Variants in CIROZ observed in about 807,000 individuals in gnomAD.
CIROZ encodes ciliated left-right organizer ZP-N domains-containing protein.
the CIROZ span, among the ~76,000 whole-genome samples, chr1:10,978,306 C>A: frequency 2.5e-3 from 374 of 151,586 alleles, 2 homozygotes; most frequent in African/African-American, 8.6e-3. Context: ...ACCTCAGTCT[C>A]CCAAAGTGCT....
the CIROZ span, chr1:10,948,606 G>T: frequency 6.2e-7 from 1 of 1,614,140 alleles, no homozygotes; most frequent in Non-Finnish European, 8.5e-7. Flanking sequence ...TGAGGACACG[G>T]GCAGGGTCAG....
chr1:10,949,068 T>C, the CIROZ span: 2 of 397,014 alleles, frequency 5.0e-6, no homozygotes, highest in Non-Finnish European at 8.8e-6. Flanking sequence ...CTACTAAAAA[T>C]ACAAAATTAG....
chr1:10,955,006 C>T, the CIROZ span: 1 of 1,604,310 alleles, frequency 6.2e-7, no homozygotes, highest in Non-Finnish European at 8.5e-7. Context: ...CTGGAGCACC[C>T]CGGCCGCCGG....
chr1:10,955,225 C>A, the CIROZ span: 1 of 1,549,272 alleles, frequency 6.5e-7, no homozygotes. Context: ...AAAAGGCACA[C>A]TTTGCAGGCT....
the CIROZ span, chr1:10,946,641 C>T: frequency 1.3e-5 from 2 of 152,204 alleles, no homozygotes; most frequent in Non-Finnish European, 2.9e-5. Flanking sequence ...CGGCCCAGAA[C>T]ACTGTACCCA....
the CIROZ span, among the ~76,000 whole-genome samples, chr1:10,958,113 G>A: frequency 6.6e-6 from 1 of 152,194 alleles, no homozygotes; most frequent in South Asian, 2.1e-4. Flanking sequence ...CCACCCTTTA[G>A]TGGGACATGG....
chr1:10,957,686 A>T, the CIROZ span: 1 of 1,614,184 alleles, frequency 6.2e-7, no homozygotes, highest in Admixed American at 1.7e-5. Context: ...GTCCACATAC[A>T]GTCCCATCAG....
chr1:10,974,166 C>A, the CIROZ span, among the ~76,000 whole-genome samples: 1 of 152,214 alleles, frequency 6.6e-6, no homozygotes, highest in Admixed American at 6.5e-5. This position sits in a 1 kb window ranked among gnomAD's most constrained non-coding sequence, Gnocchi z 4.4. Flanking sequence ...GGCTGCGGGC[C>A]GGGCTGCCAG....
the CIROZ span, among the ~76,000 whole-genome samples, chr1:10,981,017 C>T: frequency 3.3e-5 from 5 of 152,360 alleles, no homozygotes; most frequent in Admixed American, 1.3e-4. Context: ...AGTCCACGGC[C>T]CAAAGGCCAC....
chr1:10,946,997 T>C, the CIROZ span, among the ~76,000 whole-genome samples: 1 of 152,196 alleles, frequency 6.6e-6, no homozygotes, highest in African/African-American at 2.4e-5. Context: ...GGTGGAATGA[T>C]CGCCGTAAGA....
the CIROZ span, chr1:10,948,303 C>G: frequency 2.5e-6 from 4 of 1,613,774 alleles, no homozygotes; most frequent in Non-Finnish European, 3.4e-6. Flanking sequence ...CTGGGGCTCT[C>G]CGGGAGAACG....
chr1:10,957,121 G>A, the CIROZ span: 1 of 1,547,208 alleles, frequency 6.5e-7, no homozygotes, highest in Non-Finnish European at 8.7e-7. Context: ...GGGAGGAAGG[G>A]GGGTCCCCCC....
At chr1:10,953,667 C>A in the CIROZ span, among the ~76,000 whole-genome samples, 3 of 152,176 alleles carry the variant, frequency 2.0e-5, no homozygotes, top group African/African-American at 7.2e-5. Context: ...AAAATAGGTA[C>A]TGGTATGCCT....
At chr1:10,966,964 C>T in the CIROZ span, among the ~76,000 whole-genome samples, 6 of 151,938 alleles carry the variant, frequency 3.9e-5, no homozygotes, top group African/African-American at 1.5e-4. Flanking sequence ...ACCCGGCCAA[C>T]ACTGCAAAAC....
chr1:10,952,990 TGC>T, the CIROZ span, among the ~76,000 whole-genome samples: 1 of 152,334 alleles, frequency 6.6e-6, no homozygotes, highest in Non-Finnish European at 1.5e-5. Flanking sequence ...ATGTCATCAC[TGC>T]AGGAAACTGT....
chr1:10,951,641 C>T, the CIROZ span, among the ~76,000 whole-genome samples: 1 of 151,044 alleles, frequency 6.6e-6, no homozygotes, highest in Non-Finnish European at 1.5e-5. Context: ...AGGAGGATCC[C>T]TTGAGCCCAG....
At chr1:10,953,579 G>A in the CIROZ span, among the ~76,000 whole-genome samples, 1 of 152,170 alleles carries the variant, frequency 6.6e-6, no homozygotes, top group Non-Finnish European at 1.5e-5. Context: ...AGAGAGAGTG[G>A]ATAAATGGAA....
the CIROZ span, among the ~76,000 whole-genome samples, chr1:10,972,420 TACACACACAC>T: frequency 7.9e-4 from 104 of 131,804 alleles, no homozygotes; most frequent in South Asian, 3.5e-3. Context: ...GTCTCTGAAA[TACACACACAC>T]ACACACACAC....
the CIROZ span, among the ~76,000 whole-genome samples, chr1:10,966,697 C>T: frequency 6.6e-6 from 1 of 152,192 alleles, no homozygotes. Flanking sequence ...CAGAATCCAA[C>T]CCCATCTCCC....
Sources: gnomAD v4.1 joint callset for allele counts (sites outside exome capture counted in the v4.1 genomes callset) on GRCh38, gnomAD v4.1.1 for gene constraint, Gnocchi (gnomAD v3.1) non-coding constraint, MANE v1.5 for transcripts, NCBI Gene and HGNC (gene_info 2026-07-23, HGNC 2026-07-21) for gene names.